Variants in FRMPD3 observed in about 807,000 individuals in gnomAD.
The protein encoded by FRMPD3 is FERM and PDZ domain-containing protein 3.
In FRMPD3, 42 loss-of-function variants were observed where a neutral mutation model predicts 97.9. The ratio of observed to expected loss-of-function variants is 0.43; its 90% CI spans 0.34 to 0.55. The LOEUF (loss-of-function observed/expected upper bound fraction) is 0.55, where lower values mean the gene tolerates loss of function less well. FRMPD3 is among the 20% of genes least tolerant of loss of function. FRMPD3 has a pLI of 0.03. For synonymous variants in FRMPD3, 577 were observed against 581.1 expected (o/e 0.99, Z 0.10); for missense variants, 1,303 against 1,457.7 (o/e 0.89, Z 1.73).
At chrX:107,479,081 C>A (rs1320160164) in intron 1 of FRMPD3, among the ~76,000 whole-genome samples, 2 of 112,876 alleles carry the variant, frequency 1.8e-5, no homozygotes, top group East Asian at 5.6e-4. Flanking sequence ...ATGCTTGAGT[C>A]TGGAGAACCT....
Position 107,603,840 on chromosome X carries a change from T to C in FRMPD3, c.*467T>C. 1 of 122,949 alleles carries C rather than the reference T, an allele frequency of 8.1e-6. No individual in the cohort carries two copies. The highest frequency in any genetic ancestry group is 1.7e-5 in the Non-Finnish European group (1 of 59,206). The allele number at this position is 122,949 out of a possible 1,213,427, so 10.1% of individuals were successfully genotyped here. On this transcript the variant is annotated 3_prime_UTR_variant, in exon 15 of 15. Transcript: ENST00000683843. ...TTGCCGTGCCGAGGGGAGAGGGCGCTCAGTCCAGATGTCCCCATCCACCTT... is the reference window on the plus strand; with the variant it reads ...TTGCCGTGCCGAGGGGAGAGGGCGCCCAGTCCAGATGTCCCCATCCACCTT...
intron 4 of FRMPD3, 75 bp from the exon 5 acceptor site, chrX:107,545,662 T>G: frequency 1.2e-6 from 1 of 812,507 alleles, no homozygotes; most frequent in Non-Finnish European, 1.8e-6. Flanking sequence ...TACTGGGACA[T>G]CTTAACTCTG....
At chrX:107,553,403 C>T (rs987948884) in intron 7 of FRMPD3, among the ~76,000 whole-genome samples, 3 of 107,457 alleles carry the variant, frequency 2.8e-5, no homozygotes, top group African/African-American at 1.0e-4. Context: ...ATGTCACCCA[C>T]ATCAATTTAC....
In FRMPD3 at chrX:107,603,008, G is replaced by A. The variant is rs1453950860; in HGVS notation, c.4969G>A (p.Ala1657Thr). The change falls in exon 15 of 15, where the codon GCA becomes ACA. Residue 1657 changes from alanine (A) to threonine (T), a missense_variant. Transcript: ENST00000683843. ...GGACAAGAGCCCAACTCACATGCTG[G>A]CAGCCATCACGGGCAGCTTCCAGGT... is the stretch of plus-strand genomic sequence containing the variant. ...NVDKSPTHMLAAITGSFQVLS... is the reference protein window; with the variant it reads ...NVDKSPTHMLTAITGSFQVLS... 6 of 1,211,356 alleles carry A rather than the reference G, an allele frequency of 5.0e-6. No individual in the cohort carries two copies. The highest frequency in any genetic ancestry group is 6.7e-6 in the Non-Finnish European group (6 of 895,527).
At chrX:107,470,280 C>T (rs942423563) in intron 1 of FRMPD3, among the ~76,000 whole-genome samples, 1 of 112,264 alleles carries the variant, frequency 8.9e-6, no homozygotes, top group Non-Finnish European at 1.9e-5. Flanking sequence ...GTGGTTCTGG[C>T]TCAGGGTCAC....
intron 13 of FRMPD3, among the ~76,000 whole-genome samples, chrX:107,592,919 C>T (rs1923981922): frequency 9.3e-6 from 1 of 107,394 alleles, no homozygotes; most frequent in African/African-American, 3.4e-5. Flanking sequence ...GCTGGGATTA[C>T]GGGCATGCAC....
chrX:107,560,592 C>A, intron 9 of FRMPD3, 135 bp from the exon 10 acceptor site: 1 of 895,587 alleles, frequency 1.1e-6, no homozygotes, highest in Non-Finnish European at 1.5e-6. Context: ...TTTTCCTATC[C>A]CTGTCCCTTT....
intron 13 of FRMPD3, among the ~76,000 whole-genome samples, chrX:107,590,860 G>C (rs1045830817): frequency 2.7e-5 from 3 of 112,422 alleles, no homozygotes; most frequent in African/African-American, 9.7e-5. Flanking sequence ...TAGTTTTCTT[G>C]TGACATCTTT....
At chrX:107,552,755 A>T (rs1447851611) in intron 6 of FRMPD3, 40 bp from the exon 7 acceptor site, 1 of 1,196,494 alleles carries the variant, frequency 8.4e-7, no homozygotes, top group South Asian at 1.8e-5. Flanking sequence ...GCTTAGGGCC[A>T]GAACTAATCT....
intron 12 of FRMPD3, among the ~76,000 whole-genome samples, chrX:107,568,861 C>T (rs1922729740): frequency 1.8e-5 from 2 of 109,715 alleles, no homozygotes; most frequent in African/African-American, 6.6e-5. Flanking sequence ...GAGTTCAAGA[C>T]CTGCCTGGGC....
chrX:107,481,590 G>C (rs932184806), intron 1 of FRMPD3, among the ~76,000 whole-genome samples: 1 of 111,911 alleles, frequency 8.9e-6, no homozygotes, highest in Middle Eastern at 4.2e-3. Flanking sequence ...GAGAGGGAGA[G>C]AGAGAGCAAG....
intron 1 of FRMPD3, among the ~76,000 whole-genome samples, chrX:107,508,230 G>A (rs1475591228): frequency 3.6e-5 from 4 of 111,888 alleles, no homozygotes; most frequent in African/African-American, 1.3e-4. Flanking sequence ...CGAGTTTGCT[G>A]TCCCTACAGC....
In FRMPD3 at chrX:107,597,641, G is replaced by A. The variant is rs745601150; in HGVS notation, c.1762G>A (p.Glu588Lys). 6 of 1,208,956 alleles carry A rather than the reference G, an allele frequency of 5.0e-6. No individual in the cohort carries two copies. Among genetic ancestry groups the A allele is most frequent in the South Asian group, 3.5e-5 (2 of 56,815 alleles). Residue 588 changes from glutamate to lysine, a missense_variant, in exon 14 of 15, where the codon GAG becomes AAG. Coordinates refer to ENST00000683843, the MANE Select transcript of FRMPD3 (RefSeq NM_001388459.1). ...DDFDAASLDH[E>K]PCASRARSYT... The stretch of plus-strand genomic sequence containing the variant: ...CTTTGATGCAGCTAGCCTAGACCAC[G>A]AGCCTTGTGCCAGCAGGGCCCGGTC...
chrX:107,499,026 C>T (rs972935135), intron 1 of FRMPD3, among the ~76,000 whole-genome samples: 2 of 110,210 alleles, frequency 1.8e-5, no homozygotes, highest in Non-Finnish European at 3.8e-5. Context: ...CCCTCCGGTT[C>T]ATTCAAAGAG....
chrX:107,524,772 C>T (rs1021791305), intron 1 of FRMPD3, among the ~76,000 whole-genome samples: 17 of 110,786 alleles, frequency 1.5e-4, no homozygotes, highest in Non-Finnish European at 2.3e-4. Flanking sequence ...GCGGGTGGAT[C>T]GCCTGAGGTC....
chrX:107,465,012 G>A (rs1012564986), intron 1 of FRMPD3, among the ~76,000 whole-genome samples: 1 of 112,137 alleles, frequency 8.9e-6, no homozygotes, highest in Admixed American at 9.5e-5. Context: ...CCCAGAGAGA[G>A]GACCAGTGCT....
rs1184246651 is a variant in FRMPD3, at chrX:107,537,765, A to G, written c.297+4215A>G. 1.4e-4 allele frequency among the ~76,000 whole-genome samples: 16 copies of G among 111,700 alleles called. No individual in the cohort carries two copies. The Admixed American group carries it at 1.5e-3, about 11-fold the overall frequency. On this transcript the variant is annotated intron_variant, in intron 4 of 14. Coordinates refer to ENST00000683843, the MANE Select transcript of FRMPD3 (RefSeq NM_001388459.1). ...CCAATTGAATGTCAGCCTTACCTACATGTGCAGTCGATCCTCATTATTTGC... is the reference window on the plus strand; with the variant it reads ...CCAATTGAATGTCAGCCTTACCTACGTGTGCAGTCGATCCTCATTATTTGC...
intron 1 of FRMPD3, among the ~76,000 whole-genome samples, chrX:107,475,752 G>A (rs1335511569): frequency 1.8e-5 from 2 of 112,494 alleles, no homozygotes; most frequent in African/African-American, 3.2e-5. Context: ...TTAGAACACC[G>A]AATTCTAGGA....
rs1924438847 is a variant in FRMPD3 at position 107,600,472 on chromosome X, C to T, written c.2433C>T (p.Arg811=). ...QHLNKDSLLA[R]KDLPFRIQSC... is the part of the protein sequence containing the mutation. ...TCAACAAGGACAGCCTCCTTGCCCG[C>T]AAGGACCTGCCCTTCCGGATCCAGA... is the stretch of plus-strand genomic sequence containing the variant. The change falls in exon 15 of 15, where the codon CGC becomes CGT. Residue 811 remains arginine, a synonymous_variant. Transcript: ENST00000683843. 8.3e-7 allele frequency: 1 copy of T among 1,208,767 alleles called. No homozygotes were observed. The highest frequency in any genetic ancestry group is 1.8e-5 in the South Asian group (1 of 56,745).
Sources: allele counts gnomAD v4.1 joint callset (sites outside exome capture counted in the v4.1 genomes callset), GRCh38; gene constraint gnomAD v4.1.1; transcripts MANE v1.5; gene names NCBI Gene and HGNC (gene_info 2026-07-23, HGNC 2026-07-21).